ALG8: variants seen among roughly 807,000 people sequenced by gnomAD.
The protein encoded by ALG8 is dolichyl pyrophosphate Glc1Man9GlcNAc2 alpha-1,3-glucosyltransferase.
ALG8 carries 48 observed loss-of-function variants against 70.2 expected under a neutral mutation model. The ratio of observed to expected loss-of-function variants is 0.68; its 90% CI spans 0.54 to 0.87. The LOEUF is 0.87. Ranked by LOEUF, ALG8 falls within the 40% of genes least tolerant of loss-of-function variation. The probability of loss-of-function intolerance (pLI) is 0.00; values close to 1 mark genes in which losing one functional copy is unlikely to be tolerated. For missense variants in ALG8, 572 were observed against 608.7 expected (o/e 0.94, Z 0.64); for synonymous variants, 234 against 229.0 (o/e 1.02, Z -0.20).
intron 5 of ALG8, among the ~76,000 whole-genome samples, chr11:78,118,057 C>T (rs1170575721): frequency 1.5e-5 from 2 of 132,516 alleles, no homozygotes; most frequent in African/African-American, 3.0e-5. Flanking sequence ...GGAGACAGGG[C>T]GAGACTCCGT....
intron 8 of ALG8, among the ~76,000 whole-genome samples, chr11:78,111,062 T>C (rs1320105899): frequency 6.6e-6 from 1 of 152,190 alleles, no homozygotes; most frequent in Non-Finnish European, 1.5e-5. Flanking sequence ...ACATCAAGGC[T>C]AGATTCACAG....
Position 78,101,116 on chromosome 11 carries a change from C to G in ALG8, c.1429G>C (p.Val477Leu), listed in dbSNP as rs769413308. ...ACCTTCCAGGAGGTGAAAGGGAATA[C>G]AAATTCACAGCAGACTTCCAGAGGC... is the stretch of plus-strand genomic sequence containing the variant. ...LGPLEVCCEF[V>L]FPFTSWKVKY... Residue 477 changes from valine to leucine, a missense_variant, in exon 13 of 13, where the codon GTA becomes CTA. Val to Leu is a conservative substitution (Grantham distance 32, BLOSUM62 1). Coordinates refer to ENST00000299626, the MANE Select transcript of ALG8 (RefSeq NM_024079.5). 9 of 1,614,048 alleles carry G rather than the reference C, an allele frequency of 5.6e-6. No homozygotes were observed. In the South Asian group the frequency reaches 7.7e-5, roughly 14 times the overall value.
intron 1 of ALG8, among the ~76,000 whole-genome samples, chr11:78,128,777 A>AT (rs1330897838): frequency 3.1e-3 from 448 of 146,372 alleles, no homozygotes; most frequent in African/African-American, 9.6e-3. Context: ...CGCCTGGCTA[A>AT]TTTTTTTTTT....
In ALG8 at chr11:78,127,712, C is replaced by CT. The variant is rs1192507872; in HGVS notation, c.96-277dup. The stretch of plus-strand genomic sequence containing the variant: ...AGCCCAGACTTTCTCTTTTTCTTTT[C>CT]TTTTTTTTTTTTTTTGAGGCGGAGT... On this transcript the variant is annotated intron_variant, in intron 1 of 12. Coordinates refer to ENST00000299626, the MANE Select transcript of ALG8 (RefSeq NM_024079.5). Among the ~76,000 whole-genome samples the CT allele has an allele frequency of 2.3e-3, 312 of 132,858 alleles. 3 individuals are homozygous for CT. The highest frequency in any genetic ancestry group is 2.5e-3 in the Non-Finnish European group (153 of 61,304). 87.2% of individuals were successfully genotyped at this position (132,858 alleles called of 152,430 possible). A position where few individuals can be genotyped will look rare whatever the true frequency, so the allele number is the denominator to read the frequency against.
intron 1 of ALG8, among the ~76,000 whole-genome samples, chr11:78,136,263 G>C (rs762404359): frequency 4.0e-5 from 6 of 150,888 alleles, no homozygotes; most frequent in Non-Finnish European, 7.4e-5. Context: ...AGGAGTTCGA[G>C]ATCAGCCTGG....
At position 78,124,151 on chromosome 11, in the gene ALG8, G is replaced by A. The variant is rs757212406; in HGVS notation, c.238C>T (p.His80Tyr). Reference protein sequence around the residue: ...FFAWFEYILSHVAKYFDQEML... With the variant: ...FFAWFEYILSYVAKYFDQEML... ...TCTTGATCAAAATATTTGGCAACAT[G>A]TGACAGGATATACTCAAACCATGCA... The change falls in exon 3 of 13, where the codon CAT becomes TAT. Residue 80 changes from histidine (H) to tyrosine (Y), a missense_variant. Physicochemically the swap from His to Tyr is moderately conservative, Grantham distance 83. Coordinates refer to ENST00000299626, the MANE Select transcript of ALG8 (RefSeq NM_024079.5). The A allele has an allele frequency of 6.2e-7, 1 of 1,614,148 alleles. No individual in the cohort carries two copies. The highest frequency in any genetic ancestry group is 8.5e-7 in the Non-Finnish European group (1 of 1,180,010).
intron 1 of ALG8, among the ~76,000 whole-genome samples, chr11:78,132,562 C>T (rs1158422805): frequency 6.6e-6 from 1 of 152,136 alleles, no homozygotes; most frequent in Non-Finnish European, 1.5e-5. Flanking sequence ...ATGTTTCTGT[C>T]TCTGTTGCTT....
intron 1 of ALG8, among the ~76,000 whole-genome samples, chr11:78,135,953 G>C (rs1590847323): frequency 6.6e-6 from 1 of 152,034 alleles, no homozygotes; most frequent in African/African-American, 2.4e-5. Flanking sequence ...TGGATCGCTT[G>C]AGGTCAGGAA....
intron 1 of ALG8, among the ~76,000 whole-genome samples, chr11:78,131,289 T>C (rs1480222805): frequency 1.3e-5 from 2 of 148,656 alleles, no homozygotes; most frequent in African/African-American, 5.1e-5. Flanking sequence ...TAGTAACTAC[T>C]TTTTTAAATT....
intron 10 of ALG8, among the ~76,000 whole-genome samples, chr11:78,105,605 A>T (rs1423763416): frequency 6.6e-6 from 1 of 150,862 alleles, no homozygotes; most frequent in East Asian, 1.9e-4. Flanking sequence ...GTAGTTTGAG[A>T]CCAGCCTAGG....
chr11:78,139,007 C>CA (rs1861678600), intron 1 of ALG8: 2 of 346,596 alleles, frequency 5.8e-6, no homozygotes, highest in South Asian at 4.5e-5. Context: ...AATTTCAACT[C>CA]AAACATCACC....
At chr11:78,125,039 CTT>C (rs371256475) in intron 2 of ALG8, among the ~76,000 whole-genome samples, 1 of 145,102 alleles carries the variant, frequency 6.9e-6, no homozygotes, top group Non-Finnish European at 1.5e-5. Context: ...TTTTCTTTTT[CTT>C]TTTTTTTTTG....
intron 10 of ALG8, among the ~76,000 whole-genome samples, chr11:78,105,162 A>G (rs1373175681): frequency 1.3e-5 from 2 of 152,108 alleles, no homozygotes; most frequent in Admixed American, 6.5e-5. Context: ...AAAGACATTA[A>G]AAGTTTTTGC....
intron 2 of ALG8, 128 bp from the exon 3 acceptor site, chr11:78,124,342 C>CT: frequency 2.2e-6 from 2 of 899,678 alleles, no homozygotes; most frequent in Non-Finnish European, 3.5e-6. Context: ...GTAGCTCACA[C>CT]CTGTAACCCC....
intron 1 of ALG8, among the ~76,000 whole-genome samples, chr11:78,127,899 G>A (rs1420867644): frequency 6.6e-6 from 1 of 151,768 alleles, no homozygotes; most frequent in African/African-American, 2.4e-5. Context: ...GTGGGGTTTC[G>A]CCATGTTGGC....
intron 3 of ALG8, among the ~76,000 whole-genome samples, chr11:78,123,305 G>A (rs1860906050): frequency 1.3e-5 from 1 of 78,274 alleles, no homozygotes; most frequent in Non-Finnish European, 2.6e-5. Context: ...TCCATCTCAG[G>A]GAAAAAAAAG....
chr11:78,104,392 G>A lies in ALG8; in HGVS notation c.1240C>T (p.His414Tyr). The A allele has an allele frequency of 6.2e-7, 1 of 1,601,316 alleles. No individual in the cohort carries two copies. The highest frequency in any genetic ancestry group is 8.5e-7 in the Non-Finnish European group (1 of 1,173,826). The change falls in exon 11 of 13, where the codon CAT becomes TAT. Residue 414 changes from histidine to tyrosine, a missense_variant. His to Tyr is a moderately conservative substitution (Grantham distance 83). Transcript: ENST00000299626. ...SIFLILTTTG[H>Y]YSLFPLLFTA... ...AAGAGCAGAGGAAAGAGGGAATAAT[G>A]TCCTGTTGTGGTCAGAATCAGAAAA...
At chr11:78,139,155 C>A (rs1861684708) in intron 1 of ALG8, 1 of 386,732 alleles carries the variant, frequency 2.6e-6, no homozygotes, top group Admixed American at 4.0e-5. Flanking sequence ...CCGCATCTCC[C>A]GGGAGTTAGA....
rs1860803781 is a variant in ALG8 at position 78,121,130 on chromosome 11, G to A, written c.413C>T (p.Thr138Ile). ...CGACAGAATAAATTTTGGCTTTTCT[G>A]TAAGTTCTTTACCCACTTTTTTTCC... The part of the protein sequence containing the change: ...IDGKKVGKEL[T>I]EKPKFILSVL... The change falls in exon 4 of 13, where the codon ACA becomes ATA. Residue 138 changes from threonine to isoleucine, a missense_variant. Physicochemically the swap from Thr to Ile is moderately conservative, Grantham distance 89. Transcript: ENST00000299626. 5 of 1,613,748 alleles carry A rather than the reference G, an allele frequency of 3.1e-6. No individual in the cohort carries two copies. The South Asian group carries it at 5.5e-5, about 18-fold the overall frequency.
Sources: gnomAD v4.1 joint callset for allele counts (sites outside exome capture counted in the v4.1 genomes callset) on GRCh38, gnomAD v4.1.1 for gene constraint, MANE v1.5 for transcripts, NCBI Gene and HGNC (gene_info 2026-07-23, HGNC 2026-07-21) for gene names.